Variants in SDK1 observed in about 807,000 individuals in gnomAD.
SDK1 encodes the protein sidekick cell adhesion molecule 1.
SDK1 carries 157 observed loss-of-function variants against 245.5 expected under a neutral mutation model. The observed-to-expected ratio is 0.64, with a 90% CI of 0.56 to 0.73. The LOEUF (loss-of-function observed/expected upper bound fraction) is 0.73. Ranked by LOEUF, SDK1 falls within the 30% of genes least tolerant of loss-of-function variation. The pLI, the probability that SDK1 is intolerant of heterozygous loss-of-function variation, is 0.00. For synonymous variants in SDK1, 1,647 were observed against 1,278.5 expected (o/e 1.29, Z -6.15); for missense variants, 3,583 against 3,002.3 (o/e 1.19, Z -4.52).
At chr7:4,194,963 T>G (rs1183295596) in intron 35 of SDK1, among the ~76,000 whole-genome samples, 1 of 152,176 alleles carries the variant, frequency 6.6e-6, no homozygotes, top group Non-Finnish European at 1.5e-5. Flanking sequence ...GCATTTGAAT[T>G]CCCCTGGAAT....
intron 38 of SDK1, among the ~76,000 whole-genome samples, chr7:4,211,111 G>T (rs1407164671): frequency 5.9e-5 from 9 of 152,134 alleles, no homozygotes; most frequent in Admixed American, 5.9e-4. Context: ...AGGAGGACCT[G>T]ACCTCCCCAA....
At chr7:4,228,202 A>G (rs970248646) in intron 40 of SDK1, among the ~76,000 whole-genome samples, 7 of 152,130 alleles carry the variant, frequency 4.6e-5, no homozygotes, top group Non-Finnish European at 8.8e-5. Context: ...AATATTTTGC[A>G]AAGTCTCTTT....
intron 5 of SDK1, among the ~76,000 whole-genome samples, chr7:3,871,009 C>G (rs1249601897): frequency 6.6e-6 from 1 of 152,198 alleles, no homozygotes; most frequent in Non-Finnish European, 1.5e-5. Flanking sequence ...GACATCTTCA[C>G]AACATTGATC....
Position 3,469,599 on chromosome 7 carries a change from G to A in SDK1, c.299-149481G>A, listed in dbSNP as rs532964835. Reference sequence around the variant, plus strand: ...GGTTGTTTTTGCAAAGAAAGTTTTTGTGTATGTATGCCTAGCTTTTCCTTA... The same window carrying A: ...GGTTGTTTTTGCAAAGAAAGTTTTTATGTATGTATGCCTAGCTTTTCCTTA... On this transcript the variant is annotated intron_variant, in intron 1 of 44. Transcript: ENST00000404826. 2.0e-5 allele frequency among the ~76,000 whole-genome samples: 3 copies of A among 152,276 alleles called. No homozygotes were observed. The East Asian group carries it at 5.8e-4, about 29-fold the overall frequency.
chr7:4,113,447 G>C lies in SDK1; in HGVS notation c.3585+8G>C. The C allele has an allele frequency of 6.2e-7, 1 of 1,613,264 alleles. No individual in the cohort carries two copies. The highest frequency in any genetic ancestry group is 1.1e-5 in the South Asian group (1 of 91,040). On this transcript the variant is annotated splice_region_variant and intron_variant, in intron 24 of 44. Coordinates refer to ENST00000404826, the MANE Select transcript of SDK1 (RefSeq NM_152744.4). Reference sequence around the variant, plus strand: ...CTGCGGCTTCGCTGGGTGGTGAGTGGGGGTGAGAAGGGAGGCTGGAGGCAC... The same window carrying C: ...CTGCGGCTTCGCTGGGTGGTGAGTGCGGGTGAGAAGGGAGGCTGGAGGCAC...
intron 10 of SDK1, among the ~76,000 whole-genome samples, chr7:3,967,731 A>C (rs1416465650): frequency 6.6e-6 from 1 of 152,118 alleles, no homozygotes; most frequent in Non-Finnish European, 1.5e-5. Flanking sequence ...TGCATAGTTC[A>C]CTGGAGGGTG....
chr7:3,509,693 T>A (rs935134714), intron 1 of SDK1, among the ~76,000 whole-genome samples: 4 of 152,322 alleles, frequency 2.6e-5, no homozygotes, highest in African/African-American at 9.6e-5. Flanking sequence ...AACCTCTGTT[T>A]AATGTCACAG....
chr7:3,867,258 GGAGA>G (rs1780844051), intron 5 of SDK1, among the ~76,000 whole-genome samples: 1 of 152,174 alleles, frequency 6.6e-6, no homozygotes, highest in African/African-American at 2.4e-5. Context: ...CCCTAACACA[GGAGA>G]GAGAAAGAGT....
At chr7:3,909,628 TG>T (rs1440381403) in intron 5 of SDK1, among the ~76,000 whole-genome samples, 1 of 152,254 alleles carries the variant, frequency 6.6e-6, no homozygotes, top group Non-Finnish European at 1.5e-5. Context: ...TCCGTGGAGC[TG>T]GCCTATATGC....
chr7:3,678,072 C>T (rs1480380315), intron 4 of SDK1, among the ~76,000 whole-genome samples: 1 of 152,122 alleles, frequency 6.6e-6, no homozygotes, highest in Non-Finnish European at 1.5e-5. Flanking sequence ...CAGGTCAAAA[C>T]CACAATTAGA....
chr7:3,410,286 A>G (rs192343250), intron 1 of SDK1, among the ~76,000 whole-genome samples: 2 of 150,204 alleles, frequency 1.3e-5, no homozygotes, highest in Non-Finnish European at 2.9e-5. Flanking sequence ...CGCGCACAAC[A>G]TTATTAAAAA....
intron 4 of SDK1, among the ~76,000 whole-genome samples, chr7:3,725,385 C>G (rs1341634118): frequency 6.6e-6 from 1 of 152,092 alleles, no homozygotes; most frequent in African/African-American, 2.4e-5. Flanking sequence ...TGGCAGAGGA[C>G]CTGTTAAGTA....
chr7:3,463,916 C>T (rs757703339), intron 1 of SDK1, among the ~76,000 whole-genome samples: 34 of 152,184 alleles, frequency 2.2e-4, no homozygotes, highest in Non-Finnish European at 4.0e-4. Context: ...TTTGTTCTGC[C>T]TTAGGCATGT....
At chr7:3,323,451 A>G (rs766274693) in intron 1 of SDK1, among the ~76,000 whole-genome samples, 1 of 152,228 alleles carries the variant, frequency 6.6e-6, no homozygotes, top group Non-Finnish European at 1.5e-5. Flanking sequence ...TAAGATGTGT[A>G]GAGGTTCTAA....
At position 3,967,445 on chromosome 7, in the gene SDK1, T is replaced by C. The variant is rs1236925398; in HGVS notation, c.1546+11T>C. The stretch of plus-strand genomic sequence containing the variant: ...TCACCTGGAAAAGAGGTGGGTAGCA[T>C]CCACTGCCCACAACAGCATGGCCCA... On this transcript the variant is annotated intron_variant, in intron 10 of 44. Coordinates refer to ENST00000404826, the MANE Select transcript of SDK1 (RefSeq NM_152744.4). The C allele has an allele frequency of 2.0e-6, 3 of 1,527,548 alleles. No homozygotes were observed. The highest frequency in any genetic ancestry group is 2.7e-6 in the Non-Finnish European group (3 of 1,100,932). The allele number at this position is 1,527,548 out of a possible 1,614,324, so 94.6% of individuals were successfully genotyped here.
chr7:4,167,570 G>A (rs1413839821), intron 32 of SDK1, among the ~76,000 whole-genome samples: 1 of 152,190 alleles, frequency 6.6e-6, no homozygotes. Context: ...GCCAAGCCAG[G>A]GTGCAGTGAC....
At position 3,951,092 on chromosome 7, in the gene SDK1, C is replaced by T. The variant is rs920779247; in HGVS notation, c.959+58C>T. ...AAATATTCCATGACCTGTGACGAGC[C>T]GACGATAGAAGGATACACTGGAGCA... On this transcript the variant is annotated intron_variant, in intron 6 of 44. Coordinates refer to ENST00000404826, the MANE Select transcript of SDK1 (RefSeq NM_152744.4). 54 of 1,268,036 alleles carry T rather than the reference C, an allele frequency of 4.3e-5. No homozygotes were observed. The African/African-American group carries it at 4.4e-4, about 10-fold the overall frequency. 78.5% of individuals were successfully genotyped at this position (1,268,036 alleles called of 1,614,324 possible).
intron 1 of SDK1, among the ~76,000 whole-genome samples, chr7:3,413,203 A>G (rs1192272026): frequency 1.3e-5 from 2 of 152,158 alleles, no homozygotes; most frequent in African/African-American, 4.8e-5. Flanking sequence ...AACTGCGAAG[A>G]TCTTGAGCCA....
intron 5 of SDK1, among the ~76,000 whole-genome samples, chr7:3,931,055 G>A (rs1455368210): frequency 6.6e-6 from 1 of 152,122 alleles, no homozygotes; most frequent in African/African-American, 2.4e-5. Flanking sequence ...AAATAAGTGT[G>A]CATAAAAATG....
Sources: allele counts gnomAD v4.1 joint callset (sites outside exome capture counted in the v4.1 genomes callset), GRCh38; gene constraint gnomAD v4.1.1; transcripts MANE v1.5; gene names NCBI Gene and HGNC (gene_info 2026-07-23, HGNC 2026-07-21).